NR1H4: variants seen among roughly 807,000 people sequenced by gnomAD.
NR1H4 encodes nuclear receptor subfamily 1 group H member 4.
NR1H4 carries 23 observed loss-of-function variants against 58.5 expected under a neutral mutation model. The ratio of observed to expected loss-of-function variants is 0.39; its 90% CI spans 0.28 to 0.56. The LOEUF (loss-of-function observed/expected upper bound fraction) is 0.56. Among genes scored for constraint, NR1H4 ranks in the 20% least tolerant of loss-of-function variants. The pLI, the probability that NR1H4 is intolerant of heterozygous loss-of-function variation, is 0.58. For missense variants in NR1H4, 487 were observed against 576.9 expected, an observed-to-expected ratio of 0.84 and a Z score of 1.60; for synonymous variants, 214 against 198.0, an observed-to-expected ratio of 1.08 and a Z score of -0.68.
intron 1 of NR1H4, among the ~76,000 whole-genome samples, chr12:100,489,565 AC>A (rs1953564261): frequency 1.3e-5 from 2 of 152,108 alleles, no homozygotes; most frequent in South Asian, 2.1e-4. Flanking sequence ...AAAATGTAAA[AC>A]CATTCTAAGC....
At chr12:100,545,660 AAAAAAAAAAC>A (rs1955049084) in intron 9 of NR1H4, among the ~76,000 whole-genome samples, 1 of 148,004 alleles carries the variant, frequency 6.8e-6, no homozygotes, top group East Asian at 2.0e-4. Flanking sequence ...AAAAAAAAAA[AAAAAAAAAAC>A]CAAACGGGGG....
intron 6 of NR1H4, 36 bp from the exon 7 acceptor site, chr12:100,536,476 T>C (rs1331982714): frequency 2.4e-6 from 3 of 1,230,134 alleles, no homozygotes; most frequent in Non-Finnish European, 3.6e-6. Flanking sequence ...TTTATACACA[T>C]CTTCCCTAAC....
At chr12:100,528,940 G>A (rs33985007) in intron 4 of NR1H4, among the ~76,000 whole-genome samples, 9,946 of 152,148 alleles carry the variant, frequency 0.065, 444 homozygotes, top group Non-Finnish European at 0.097. Context: ...TTATTAGTAG[G>A]AAGGCTGACT....
intron 1 of NR1H4, among the ~76,000 whole-genome samples, chr12:100,485,343 G>C (rs986178295): frequency 5.3e-5 from 8 of 152,162 alleles, no homozygotes; most frequent in Admixed American, 5.2e-4. Context: ...GTCCTTGGCA[G>C]GCTGGGTTGG....
chr12:100,532,349 C>T, intron 4 of NR1H4, 109 bp from the exon 5 acceptor site: 2 of 1,017,004 alleles, frequency 2.0e-6, no homozygotes, highest in Middle Eastern at 2.1e-4. Flanking sequence ...GGCCTGGGTG[C>T]TCTCCAGCAG....
intron 9 of NR1H4, 32 bp from the exon 10 acceptor site, chr12:100,561,853 A>C: frequency 1.1e-6 from 1 of 913,038 alleles, no homozygotes; most frequent in Non-Finnish European, 1.8e-6. Flanking sequence ...GTCACTCAAA[A>C]ATTGTATTAT....
chr12:100,482,611 A>C (rs1021486782), intron 1 of NR1H4, among the ~76,000 whole-genome samples: 2 of 152,182 alleles, frequency 1.3e-5, no homozygotes. Context: ...ATCCACAAAA[A>C]CAAAGGTTGA....
intron 6 of NR1H4, 66 bp from the exon 7 acceptor site, chr12:100,536,446 T>G: frequency 1.1e-6 from 1 of 896,758 alleles, no homozygotes. Context: ...TCCAGATGAA[T>G]GCACATATAG....
chr12:100,483,012 G>A (rs1953414340), intron 1 of NR1H4, among the ~76,000 whole-genome samples: 1 of 152,120 alleles, frequency 6.6e-6, no homozygotes, highest in Non-Finnish European at 1.5e-5. Flanking sequence ...TGCAACCTCT[G>A]CTTCCTGGGT....
intron 9 of NR1H4, among the ~76,000 whole-genome samples, chr12:100,560,502 ACACT>A (rs1955444786): frequency 6.6e-6 from 1 of 152,200 alleles, no homozygotes; most frequent in Admixed American, 6.5e-5. Context: ...AAGAGCTGTA[ACACT>A]CACCGCAAAG....
intron 3 of NR1H4, among the ~76,000 whole-genome samples, chr12:100,500,350 G>A (rs527339610): frequency 2.6e-5 from 4 of 152,108 alleles, no homozygotes; most frequent in Admixed American, 6.6e-5. Context: ...CCCACTCAGC[G>A]TGAGAGGTAC....
At chr12:100,532,697 T>C in intron 5 of NR1H4, 87 bp downstream of exon 5, 2 of 1,247,426 alleles carry the variant, frequency 1.6e-6, no homozygotes, top group Non-Finnish European at 1.2e-6. Flanking sequence ...CTACTTCACA[T>C]ATTAAAGAAG....
intron 4 of NR1H4, chr12:100,525,555 A>C (rs890297790): frequency 6.6e-6 from 1 of 152,204 alleles, no homozygotes; most frequent in African/African-American, 2.4e-5. Flanking sequence ...ATAAACAAAA[A>C]CAAATGCTAA....
chr12:100,563,790 C>T lies in NR1H4; in HGVS notation c.*301C>T, dbSNP rs1414858163. The stretch of plus-strand genomic sequence containing the variant: ...GAACTAGGGAAAATCTCATTTTGCT[C>T]ATCTTACCATATTGCATATATTTTA... On this transcript the variant is annotated 3_prime_UTR_variant, in exon 11 of 11. Coordinates refer to ENST00000392986, the MANE Select transcript of NR1H4 (RefSeq NM_001206979.2). The T allele has an allele frequency of 2.8e-5, 10 of 353,302 alleles. No individual in the cohort carries two copies. Among genetic ancestry groups the T allele is most frequent in the Non-Finnish European group, 4.6e-5 (9 of 194,058 alleles). 21.9% of individuals were successfully genotyped at this position (353,302 alleles called of 1,614,324 possible). A position where few individuals can be genotyped will look rare whatever the true frequency, so the allele number is the denominator to read the frequency against.
chr12:100,532,650 T>G, intron 5 of NR1H4, 40 bp downstream of exon 5: 1 of 1,590,238 alleles, frequency 6.3e-7, no homozygotes, highest in African/African-American at 1.3e-5. Flanking sequence ...AAAAATCTCT[T>G]AAGGAGGCAG....
intron 4 of NR1H4, among the ~76,000 whole-genome samples, chr12:100,512,966 T>C (rs1954161011): frequency 6.6e-6 from 1 of 152,220 alleles, no homozygotes; most frequent in South Asian, 2.1e-4. Flanking sequence ...ATTAGTCACT[T>C]CTTAAAAACT....
At chr12:100,496,355 T>C (rs1371960808) in intron 3 of NR1H4, among the ~76,000 whole-genome samples, 1 of 152,074 alleles carries the variant, frequency 6.6e-6, no homozygotes, top group Non-Finnish European at 1.5e-5. Context: ...AGTGGTATAG[T>C]CAGGAAAGGC....
intron 9 of NR1H4, among the ~76,000 whole-genome samples, chr12:100,556,980 A>G (rs1955343371): frequency 6.6e-6 from 1 of 152,192 alleles, no homozygotes; most frequent in Non-Finnish European, 1.5e-5. Context: ...GTGTCCATGC[A>G]TGTTAGAAGT....
chr12:100,511,885 G>A (rs984440631), intron 4 of NR1H4, among the ~76,000 whole-genome samples: 4 of 151,378 alleles, frequency 2.6e-5, no homozygotes, highest in African/African-American at 4.9e-5. Flanking sequence ...TCGCACCATT[G>A]CACTCCAGCC....
Sources: gnomAD v4.1 joint callset for allele counts (sites outside exome capture counted in the v4.1 genomes callset) on GRCh38, gnomAD v4.1.1 for gene constraint, MANE v1.5 for transcripts, NCBI Gene and HGNC (gene_info 2026-07-23, HGNC 2026-07-21) for gene names.